ASIC2: variants seen among roughly 807,000 people sequenced by gnomAD.
ASIC2 encodes acid-sensing ion channel 2.
In ASIC2, 25 loss-of-function variants were observed where a neutral mutation model predicts 57.3. That is an observed-to-expected ratio of 0.44 (90% CI 0.32 to 0.61). The LOEUF is 0.61. Among genes scored for constraint, ASIC2 ranks in the 20% least tolerant of loss-of-function variants. The probability of loss-of-function intolerance (pLI) is 0.06; values close to 1 mark genes in which losing one functional copy is unlikely to be tolerated. For missense variants in ASIC2, 641 were observed against 738.1 expected, an observed-to-expected ratio of 0.87 and a Z score of 1.52; for synonymous variants, 319 against 307.5, an observed-to-expected ratio of 1.04 and a Z score of -0.39.
intron 1 of ASIC2, among the ~76,000 whole-genome samples, chr17:33,376,104 A>G (rs1909267308): frequency 6.6e-6 from 1 of 152,188 alleles, no homozygotes; most frequent in Non-Finnish European, 1.5e-5. Flanking sequence ...AATAGACTGG[A>G]AGACATACCC....
intron 3 of ASIC2, among the ~76,000 whole-genome samples, chr17:33,044,112 A>G (rs1343188441): frequency 6.6e-6 from 1 of 152,166 alleles, no homozygotes; most frequent in Non-Finnish European, 1.5e-5. Context: ...CACGACTTTT[A>G]TCTTGGGCCT....
intron 1 of ASIC2, among the ~76,000 whole-genome samples, chr17:33,612,805 C>T (rs746133848): frequency 6.6e-5 from 10 of 152,326 alleles, no homozygotes; most frequent in Non-Finnish European, 1.5e-4. Flanking sequence ...CAGATTGTGT[C>T]ATGAGCAAGT....
chr17:33,422,787 C>T (rs1193269837), intron 1 of ASIC2, among the ~76,000 whole-genome samples: 1 of 152,206 alleles, frequency 6.6e-6, no homozygotes, highest in Non-Finnish European at 1.5e-5. Context: ...CCAGCCCAGA[C>T]TCAACCTATG....
chr17:33,610,346 G>A (rs1021818962), intron 1 of ASIC2, among the ~76,000 whole-genome samples: 14 of 151,906 alleles, frequency 9.2e-5, no homozygotes, highest in South Asian at 2.1e-4. Context: ...TAGTAGAGAC[G>A]GGGTTTCACC....
At chr17:33,956,017 T>C (rs1891144068) in intron 1 of ASIC2, among the ~76,000 whole-genome samples, 1 of 152,138 alleles carries the variant, frequency 6.6e-6, no homozygotes, top group Non-Finnish European at 1.5e-5. Context: ...CATTAGACTA[T>C]TATAATTAAT....
chr17:33,535,970 C>T (rs979823635), intron 1 of ASIC2, among the ~76,000 whole-genome samples: 6 of 152,182 alleles, frequency 3.9e-5, no homozygotes, highest in African/African-American at 1.4e-4. Context: ...CTTATCCTGA[C>T]TAATACAGAA....
At chr17:33,529,777 T>A (rs1161471950) in intron 1 of ASIC2, 1 of 152,182 alleles carries the variant, frequency 6.6e-6, no homozygotes, top group Non-Finnish European at 1.5e-5. Flanking sequence ...CACATGAGGA[T>A]TAAATGAGAT....
At chr17:33,801,346 C>T (rs1180283950) in intron 1 of ASIC2, among the ~76,000 whole-genome samples, 1 of 152,176 alleles carries the variant, frequency 6.6e-6, no homozygotes, top group Non-Finnish European at 1.5e-5. Context: ...TTTCACCTCA[C>T]AAACTCTACC....
chr17:33,771,545 T>G (rs555158754), intron 1 of ASIC2, among the ~76,000 whole-genome samples: 1 of 152,292 alleles, frequency 6.6e-6, no homozygotes, highest in South Asian at 2.1e-4. Context: ...GAACTTACAT[T>G]AGTGTTTTTT....
intron 1 of ASIC2, among the ~76,000 whole-genome samples, chr17:33,350,813 C>T (rs1908139517): frequency 6.6e-6 from 1 of 151,826 alleles, no homozygotes; most frequent in African/African-American, 2.4e-5. Context: ...CTTTTAGTTT[C>T]TTGTTGCAAA....
intron 1 of ASIC2, among the ~76,000 whole-genome samples, chr17:33,132,029 G>A (rs2092348178): frequency 6.6e-6 from 1 of 152,128 alleles, no homozygotes; most frequent in Admixed American, 6.5e-5. Flanking sequence ...ATTTAAAATG[G>A]GTTCCCTTTA....
intron 1 of ASIC2, among the ~76,000 whole-genome samples, chr17:33,883,228 A>G (rs1019300666): frequency 6.6e-6 from 1 of 152,210 alleles, no homozygotes; most frequent in Non-Finnish European, 1.5e-5. Context: ...CATGTACCCT[A>G]AAACTTAAAG....
Position 33,019,401 on chromosome 17 carries a change from G to T in ASIC2, c.1442-1717C>A, listed in dbSNP as rs370369645. Among the ~76,000 whole-genome samples the T allele has an allele frequency of 9.6e-4, 146 of 152,062 alleles. 3 individuals are homozygous for T. The South Asian group carries it at 0.028, about 29-fold the overall frequency. On this transcript the variant is annotated intron_variant, in intron 7 of 9. Coordinates refer to ENST00000225823, the MANE Select transcript of ASIC2 (RefSeq NM_183377.2). ...GGGGTGTGTGGGGGCTGTGTGCATG[G>T]ATGTGTCTCTAGCTGTGTGATTGGA...
At chr17:33,605,773 C>T (rs1056115563) in intron 1 of ASIC2, among the ~76,000 whole-genome samples, 4 of 152,236 alleles carry the variant, frequency 2.6e-5, no homozygotes, top group African/African-American at 4.8e-5. Flanking sequence ...AGACACAGCA[C>T]GTCCTGCCTC....
intron 1 of ASIC2, among the ~76,000 whole-genome samples, chr17:34,099,147 AGAGAGAG>A (rs1910681983): frequency 1.5e-4 from 2 of 13,282 alleles, no homozygotes; most frequent in African/African-American, 5.4e-4. Flanking sequence ...AGAGAGAGAC[AGAGAGAG>A]AGAGAGAGAG....
chr17:33,151,876 G>C (rs1034320693), intron 1 of ASIC2, among the ~76,000 whole-genome samples: 1 of 152,170 alleles, frequency 6.6e-6, no homozygotes, highest in African/African-American at 2.4e-5. Flanking sequence ...CACAAAATGG[G>C]CTAAGACACT....
At chr17:33,761,848 T>C (rs1484969575) in intron 1 of ASIC2, among the ~76,000 whole-genome samples, 2 of 151,746 alleles carry the variant, frequency 1.3e-5, no homozygotes, top group Non-Finnish European at 2.9e-5. Context: ...TTTTTTTTTT[T>C]TTTTTAACTT....
chr17:33,812,036 G>A (rs751606052), intron 1 of ASIC2, among the ~76,000 whole-genome samples: 5 of 152,192 alleles, frequency 3.3e-5, no homozygotes, highest in African/African-American at 9.6e-5. Flanking sequence ...CTGCACCACC[G>A]TGGGCACACT....
At chr17:33,476,047 C>A (rs756113481) in intron 1 of ASIC2, among the ~76,000 whole-genome samples, 13 of 152,184 alleles carry the variant, frequency 8.5e-5, no homozygotes, top group African/African-American at 1.2e-4. Context: ...AAGCATGAAA[C>A]TGTCACCAGA....
Sources: allele counts gnomAD v4.1 joint callset (sites outside exome capture counted in the v4.1 genomes callset), GRCh38; gene constraint gnomAD v4.1.1; transcripts MANE v1.5; gene names NCBI Gene and HGNC (gene_info 2026-07-23, HGNC 2026-07-21).